PARD3B: variants seen among roughly 807,000 people sequenced by gnomAD.
The protein encoded by PARD3B is par-3 family cell polarity regulator beta, also known as partitioning defective 3 homolog B.
PARD3B carries 103 observed loss-of-function variants against 130.2 expected under a neutral mutation model. The ratio of observed to expected loss-of-function variants is 0.79; its 90% CI spans 0.67 to 0.93. The LOEUF is 0.93. Ranked by LOEUF, PARD3B falls within the 40% of genes least tolerant of loss-of-function variation. The pLI, the probability that PARD3B is intolerant of heterozygous loss-of-function variation, is 0.00. For missense variants in PARD3B, 1,609 were observed against 1,499.2 expected (o/e 1.07, Z -1.21); for synonymous variants, 583 against 553.2 (o/e 1.05, Z -0.76).
intron 3 of PARD3B, among the ~76,000 whole-genome samples, chr2:205,006,912 C>T (rs375557666): frequency 1.9e-4 from 29 of 152,152 alleles, no homozygotes; most frequent in African/African-American, 4.6e-4. Flanking sequence ...AAGCATTTTC[C>T]GACGTTATCT....
intron 1 of PARD3B, among the ~76,000 whole-genome samples, chr2:204,566,998 C>A (rs1467055437): frequency 2.0e-5 from 3 of 152,054 alleles, no homozygotes; most frequent in Non-Finnish European, 2.9e-5. Context: ...CCTGCCTCAG[C>A]TTCCCAAGCA....
intron 15 of PARD3B, among the ~76,000 whole-genome samples, chr2:205,214,814 TTAAC>T (rs1274335579): frequency 6.6e-6 from 1 of 152,036 alleles, no homozygotes; most frequent in African/African-American, 2.4e-5. Context: ...ATGGGCTAAA[TTAAC>T]TAACCCATTA....
chr2:205,193,500 C>G (rs62172736), intron 15 of PARD3B, among the ~76,000 whole-genome samples, 180 bp downstream of exon 15: 1 of 152,116 alleles, frequency 6.6e-6, no homozygotes, highest in Non-Finnish European at 1.5e-5. Flanking sequence ...TTGTAATTAC[C>G]CACTTTGTGA....
At chr2:205,607,994 G>T (rs2055077485) in intron 22 of PARD3B, among the ~76,000 whole-genome samples, 1 of 152,046 alleles carries the variant, frequency 6.6e-6, no homozygotes, top group South Asian at 2.1e-4. Flanking sequence ...TCTTCCTATT[G>T]CACAGGCTTT....
At chr2:204,908,316 C>T (rs1030514063) in intron 2 of PARD3B, among the ~76,000 whole-genome samples, 1 of 152,100 alleles carries the variant, frequency 6.6e-6, no homozygotes, top group African/African-American at 2.4e-5. Flanking sequence ...TATCACATAT[C>T]GAAGATGAAA....
rs144735091 is a variant in PARD3B, at chr2:204,610,650, G to A, written c.120+64531G>A. 4.7e-3 allele frequency among the ~76,000 whole-genome samples: 719 copies of A among 152,188 alleles called. 21 individuals are homozygous for A. Among genetic ancestry groups the A allele is most frequent in the Non-Finnish European group, 1.2e-3 (82 of 68,014 alleles). ...GCTGGGATTACAGGCAGGAGCCACC[G>A]TGCCTGCCCCTTGTCCTTCATAGAA... is the stretch of plus-strand genomic sequence containing the variant. On this transcript the variant is annotated intron_variant, in intron 1 of 22. Coordinates refer to ENST00000406610, the MANE Select transcript of PARD3B (RefSeq NM_001302769.2). This position sits in a 1 kb window ranked among gnomAD's most constrained non-coding sequence, Gnocchi z 4.1.
rs1691371151 is a variant in PARD3B, at chr2:204,967,700, G to T, written c.394+2377G>T. On this transcript the variant is annotated intron_variant, in intron 3 of 22. Transcript: ENST00000406610. This position sits in a 1 kb window ranked among gnomAD's most constrained non-coding sequence, Gnocchi z 4.4. ...ACATATTTGTCAGGTTTTTCAGATAGCGAAGTTAAAGAAGGAAGCAACACA... is the reference window on the plus strand; with the variant it reads ...ACATATTTGTCAGGTTTTTCAGATATCGAAGTTAAAGAAGGAAGCAACACA... Among the ~76,000 whole-genome samples the T allele has an allele frequency of 6.6e-6, 1 of 152,210 alleles. No homozygotes were observed. Among genetic ancestry groups the T allele is most frequent in the Non-Finnish European group, 1.5e-5 (1 of 68,034 alleles).
At chr2:205,275,532 GA>G (rs1402273255) in intron 16 of PARD3B, among the ~76,000 whole-genome samples, 3 of 151,984 alleles carry the variant, frequency 2.0e-5, no homozygotes, top group Non-Finnish European at 4.4e-5. Flanking sequence ...TGAAAATCAA[GA>G]GCTGTGGATA....
At chr2:205,019,987 A>G (rs1334956976) in intron 3 of PARD3B, among the ~76,000 whole-genome samples, 1 of 151,790 alleles carries the variant, frequency 6.6e-6, no homozygotes, top group Non-Finnish European at 1.5e-5. Flanking sequence ...GTGTGTAGCT[A>G]CCTCTCACAC....
At chr2:204,631,492 C>A (rs567170367) in intron 1 of PARD3B, among the ~76,000 whole-genome samples, 2 of 152,142 alleles carry the variant, frequency 1.3e-5, no homozygotes, top group Non-Finnish European at 2.9e-5. Context: ...TCGTGATCTG[C>A]GTGCTTCAGC....
chr2:205,062,086 C>T (rs1301946815), intron 4 of PARD3B, among the ~76,000 whole-genome samples: 1 of 152,020 alleles, frequency 6.6e-6, no homozygotes, highest in East Asian at 1.9e-4. Flanking sequence ...ACTCACCTTC[C>T]TCACTTGTTT....
chr2:204,709,053 A>T (rs2038314165), intron 2 of PARD3B, among the ~76,000 whole-genome samples: 1 of 152,184 alleles, frequency 6.6e-6, no homozygotes, highest in African/African-American at 2.4e-5. Flanking sequence ...AATATAAATG[A>T]TGTTTGGGAG....
intron 16 of PARD3B, among the ~76,000 whole-genome samples, chr2:205,275,752 G>T (rs1351130732): frequency 1.4e-5 from 2 of 146,674 alleles, no homozygotes; most frequent in Admixed American, 7.0e-5. Flanking sequence ...CAAGAGAATC[G>T]CTTGAACCTG....
At chr2:205,017,399 G>A (rs1254397501) in intron 3 of PARD3B, among the ~76,000 whole-genome samples, 1 of 152,110 alleles carries the variant, frequency 6.6e-6, no homozygotes, top group Non-Finnish European at 1.5e-5. Flanking sequence ...CTGAGCCTCA[G>A]TTGCCCCCCC....
At chr2:204,955,181 C>T (rs142943167) in intron 2 of PARD3B, among the ~76,000 whole-genome samples, 87 of 152,254 alleles carry the variant, frequency 5.7e-4, no homozygotes, top group Admixed American at 7.2e-4. Context: ...AGTCAGCCAT[C>T]GTAGAGAATA....
At chr2:205,087,391 G>C (rs1575743999) in intron 4 of PARD3B, among the ~76,000 whole-genome samples, 1 of 152,052 alleles carries the variant, frequency 6.6e-6, no homozygotes. Flanking sequence ...AATTACAGTG[G>C]TCCTTAGGCT....
In PARD3B at chr2:205,158,745, A is replaced by G. The variant is rs2034332413; in HGVS notation, c.1458A>G (p.Ala486=). Residue 486 remains alanine, a synonymous_variant, in exon 11 of 23, where the codon GCA becomes GCG. Transcript: ENST00000406610. This position sits in a 1 kb window ranked among gnomAD's most constrained non-coding sequence, Gnocchi z 5.4. ...RELKGEPDCC[A]LSLETSEQLT... is the part of the protein sequence containing the mutation. ...AGAAAGGAGAACCTGACTGCTGTGC[A>G]CTCTCTCTGGAGACAAGCGAGCAGC... 1 of 1,613,814 alleles carries G rather than the reference A, an allele frequency of 6.2e-7. No individual in the cohort carries two copies. The highest frequency in any genetic ancestry group is 8.5e-7 in the Non-Finnish European group (1 of 1,179,864).
intron 19 of PARD3B, among the ~76,000 whole-genome samples, chr2:205,426,186 G>GA (rs1160668122): frequency 2.0e-5 from 3 of 151,966 alleles, no homozygotes; most frequent in Non-Finnish European, 4.4e-5. Flanking sequence ...TAGTTTTGTT[G>GA]AAAAAATGAA....
intron 2 of PARD3B, among the ~76,000 whole-genome samples, chr2:204,816,697 A>G (rs2043160439): frequency 6.6e-6 from 1 of 151,710 alleles, no homozygotes; most frequent in African/African-American, 2.4e-5. Flanking sequence ...CTGATTTTAA[A>G]TGATTTGATT....
Sources: allele counts gnomAD v4.1 joint callset (sites outside exome capture counted in the v4.1 genomes callset), GRCh38; gene constraint gnomAD v4.1.1; non-coding constraint Gnocchi (gnomAD v3.1); transcripts MANE v1.5; gene names NCBI Gene and HGNC (gene_info 2026-07-23, HGNC 2026-07-21).